FAAH: variants seen among roughly 807,000 people sequenced by gnomAD.
FAAH encodes fatty acid amide hydrolase.
In FAAH, 63 loss-of-function variants were observed where a neutral mutation model predicts 69.7. The observed-to-expected ratio is 0.90, with a 90% CI of 0.74 to 1.12. FAAH has a LOEUF of 1.12. Ranked by LOEUF, FAAH falls within the 50% of genes most tolerant of loss-of-function variation. The pLI, the probability that FAAH is intolerant of heterozygous loss-of-function variation, is 0.00. For synonymous variants in FAAH, 305 were observed against 324.2 expected (o/e 0.94, Z 0.64); for missense variants, 680 against 755.0 (o/e 0.90, Z 1.16).
rs753794404 is a variant in FAAH at position 46,405,329 on chromosome 1, G to A, written c.445-43G>A. ...TTGGAGTGGACCCTTGGCTGCCCACGGGCCCTGACTCACTCCCTTCTGGTG... is the reference window on the plus strand; with the variant it reads ...TTGGAGTGGACCCTTGGCTGCCCACAGGCCCTGACTCACTCCCTTCTGGTG... On this transcript the variant is annotated intron_variant, in intron 3 of 14. Transcript: ENST00000243167. This position sits in a 1 kb window ranked among gnomAD's most constrained non-coding sequence, Gnocchi z 4.1. The A allele has an allele frequency of 8.1e-6, 13 of 1,605,894 alleles. No homozygotes were observed. The East Asian group carries it at 1.1e-4, about 14-fold the overall frequency.
intron 1 of FAAH, among the ~76,000 whole-genome samples, chr1:46,398,590 G>A (rs1664641634): frequency 6.6e-6 from 1 of 150,824 alleles, no homozygotes; most frequent in Non-Finnish European, 1.5e-5. Context: ...CTGGAGTGTA[G>A]TGGCTCAATC....
intron 2 of FAAH, among the ~76,000 whole-genome samples, chr1:46,402,964 G>A (rs1664730293): frequency 6.6e-6 from 1 of 151,116 alleles, no homozygotes; most frequent in Admixed American, 6.6e-5. Flanking sequence ...AAGTGCTGGG[G>A]TTACAGCTGT....
rs142292311 is a variant in FAAH at position 46,402,664 on chromosome 1, C to A, written c.309+460C>A. On this transcript the variant is annotated intron_variant, in intron 2 of 14. Coordinates refer to ENST00000243167, the MANE Select transcript of FAAH (RefSeq NM_001441.3). The stretch of plus-strand genomic sequence containing the variant: ...AGTAGCTGGGATTACAGGCATGCAC[C>A]ACTACACCCGGCTAATGAAAAGAAA... 2.9e-3 allele frequency among the ~76,000 whole-genome samples: 436 copies of A among 150,752 alleles called. 1 individual carries two copies. Among genetic ancestry groups the A allele is most frequent in the African/African-American group, 0.01 (411 of 41,010 alleles).
chr1:46,407,648 G>A (rs1415888439), intron 7 of FAAH, among the ~76,000 whole-genome samples: 1 of 152,152 alleles, frequency 6.6e-6, no homozygotes, highest in Non-Finnish European at 1.5e-5. Flanking sequence ...GAAACAGCCA[G>A]GTTGAGGCTG....
At position 46,405,825 on chromosome 1, in the gene FAAH, C is replaced by T. The variant is rs776938827; in HGVS notation, c.785+31C>T. 1.2e-5 allele frequency: 19 copies of T among 1,611,626 alleles called. No homozygotes were observed. The highest frequency in any genetic ancestry group is 1.5e-5 in the Non-Finnish European group (18 of 1,179,288). On this transcript the variant is annotated intron_variant, in intron 5 of 14. Coordinates refer to ENST00000243167, the MANE Select transcript of FAAH (RefSeq NM_001441.3). The surrounding 1 kb of genome is among the most constrained non-coding windows in gnomAD (Gnocchi z 4.1). ...GTGGGTGGAGGGCGCTTCTGGGCCC[C>T]TCGCTGTGTGACCTTGGCCTAGCTT... is the stretch of plus-strand genomic sequence containing the variant.
At chr1:46,409,828 T>G (rs929859087) in intron 9 of FAAH, among the ~76,000 whole-genome samples, 12 of 152,146 alleles carry the variant, frequency 7.9e-5, no homozygotes. Flanking sequence ...AACTTGGCCC[T>G]GCAGCCTGGA....
At position 46,413,736 on chromosome 1, in the gene FAAH, T is replaced by G; in HGVS notation, c.*161T>G. ...GCAAGAAGCGCCGACTCCCTGAGTC[T>G]GGACCTCCATCCCTGCTCTGGTCCC... On this transcript the variant is annotated 3_prime_UTR_variant, in exon 15 of 15. Coordinates refer to ENST00000243167, the MANE Select transcript of FAAH (RefSeq NM_001441.3). The G allele has an allele frequency of 1.0e-6, 1 of 973,814 alleles. No individual in the cohort carries two copies. The highest frequency in any genetic ancestry group is 1.6e-6 in the Non-Finnish European group (1 of 642,860). 60.3% of individuals were successfully genotyped at this position (973,814 alleles called of 1,614,324 possible).
At chr1:46,394,607 G>T (rs1187828759) in intron 1 of FAAH, 64 bp downstream of exon 1, 2 of 1,246,058 alleles carry the variant, frequency 1.6e-6, no homozygotes, top group Non-Finnish European at 2.0e-6. Context: ...ACTTTCAGCC[G>T]CCGGACCCGC....
Position 46,405,411 on chromosome 1 carries a change from G to C in FAAH, c.484G>C (p.Val162Leu). The C allele has an allele frequency of 1.2e-6, 2 of 1,612,992 alleles. No individual in the cohort carries two copies. The highest frequency in any genetic ancestry group is 1.7e-6 in the Non-Finnish European group (2 of 1,180,018). Residue 162 changes from valine (V) to leucine (L), a missense_variant, in exon 4 of 15, where the codon GTG becomes CTG. Transcript: ENST00000243167. This position sits in a 1 kb window ranked among gnomAD's most constrained non-coding sequence, Gnocchi z 4.1. Reference sequence around the variant, plus strand: ...GCTGGGCTTGAGCCTGAATGAAGGGGTGCCGGCGGAGTGCGACAGCGTAGT... The same window carrying C: ...GCTGGGCTTGAGCCTGAATGAAGGGCTGCCGGCGGAGTGCGACAGCGTAGT... ...STLGLSLNEG[V>L]PAECDSVVVH...
rs1401455248 is a variant in FAAH at position 46,394,576 on chromosome 1, C to G, written c.195+33C>G. 2.3e-6 allele frequency: 3 copies of G among 1,301,392 alleles called. No homozygotes were observed. In the South Asian group the frequency reaches 7.0e-5, roughly 31 times the overall value. The allele number at this position is 1,301,392 out of a possible 1,614,324, so 80.6% of individuals were successfully genotyped here. On this transcript the variant is annotated intron_variant, in intron 1 of 14. Coordinates refer to ENST00000243167, the MANE Select transcript of FAAH (RefSeq NM_001441.3). ...CCGGAGCGTAGTGGGATGGGCGCGG[C>G]CTGAGGGTACTCGCAGCGGCACTTT...
Position 46,412,146 on chromosome 1 carries a change from T to C in FAAH, c.1360T>C (p.Tyr454His), listed in dbSNP as rs766439306. Residue 454 changes from tyrosine (Y) to histidine (H), a missense_variant, in exon 13 of 15, where the codon TAC becomes CAC. Physicochemically the swap from Tyr to His is moderately conservative, Grantham distance 83. Coordinates refer to ENST00000243167, the MANE Select transcript of FAAH (RefSeq NM_001441.3). ...TGGTGTGTTGTGTCCTCCGCAGGTG[T>C]ACCGCAAAACCGTGATTGCCCAGTG... ...LWELQHEIEV[Y>H]RKTVIAQWRA... 5.8e-6 allele frequency: 9 copies of C among 1,557,944 alleles called. No individual in the cohort carries two copies. The South Asian group carries it at 9.5e-5, about 16-fold the overall frequency.
intron 1 of FAAH, among the ~76,000 whole-genome samples, chr1:46,397,810 G>A (rs1263117481): frequency 6.6e-6 from 1 of 152,040 alleles, no homozygotes; most frequent in Non-Finnish European, 1.5e-5. Context: ...TGATCCGCCC[G>A]CCTCGGCCTC....
Position 46,394,528 on chromosome 1 carries a change from G to C in FAAH, c.180G>C (p.Gln60His). 7.3e-7 allele frequency: 1 copy of C among 1,370,430 alleles called. No homozygotes were observed. The highest frequency in any genetic ancestry group is 1.5e-5 in the African/African-American group (1 of 65,652). 84.9% of individuals were successfully genotyped at this position (1,370,430 alleles called of 1,614,324 possible). Residue 60 changes from glutamine (Q) to histidine (H), a missense_variant, in exon 1 of 15, where the codon CAG becomes CAC. By Grantham distance (24) the Gln-to-His change is conservative. Coordinates refer to ENST00000243167, the MANE Select transcript of FAAH (RefSeq NM_001441.3). ...AGLENMDRAAQRFRLQNPDLD... is the reference protein window; with the variant it reads ...AGLENMDRAAHRFRLQNPDLD... ...TGGAGAACATGGACAGGGCGGCGCA[G>C]CGCTTCCGGCTCCAGGTGACTGCCG...
At position 46,405,002 on chromosome 1, in the gene FAAH, C is replaced by G. The variant is rs199579963; in HGVS notation, c.310-12C>G. On this transcript the variant is annotated splice_polypyrimidine_tract_variant and intron_variant, in intron 2 of 14. Transcript: ENST00000243167. This position sits in a 1 kb window ranked among gnomAD's most constrained non-coding sequence, Gnocchi z 4.1. The stretch of plus-strand genomic sequence containing the variant: ...GCCTCCTTTTATCTTATGTCTACTT[C>G]CCCTTCCTCAGGCCTGGGAAGTGAA... 3.1e-6 allele frequency: 5 copies of G among 1,614,026 alleles called. No homozygotes were observed. The highest frequency in any genetic ancestry group is 4.2e-6 in the Non-Finnish European group (5 of 1,180,032).
chr1:46,394,629 G>A, intron 1 of FAAH, 86 bp downstream of exon 1: 1 of 1,144,510 alleles, frequency 8.7e-7, no homozygotes, highest in African/African-American at 1.6e-5. Flanking sequence ...GAGGGACAGG[G>A]GATGGGGCGG....
At chr1:46,403,541 ACTC>A (rs961130922) in intron 2 of FAAH, among the ~76,000 whole-genome samples, 1 of 151,442 alleles carries the variant, frequency 6.6e-6, no homozygotes, top group African/African-American at 2.4e-5. Flanking sequence ...CATCTCTTGT[ACTC>A]CTCCTCTGTG....
At chr1:46,400,477 A>G (rs1013912187) in intron 1 of FAAH, among the ~76,000 whole-genome samples, 1 of 151,524 alleles carries the variant, frequency 6.6e-6, no homozygotes, top group Non-Finnish European at 1.5e-5. Context: ...GGGGATGGAG[A>G]GGTGACCATT....
rs1366941315 is a variant in FAAH at position 46,402,214 on chromosome 1, G to C, written c.309+10G>C. 1.4e-5 allele frequency: 22 copies of C among 1,569,904 alleles called. No homozygotes were observed. The highest frequency in any genetic ancestry group is 2.8e-5 in the African/African-American group (2 of 71,474). ...CACCTATGTGGGAAAGGTAAGGCCAGCCAAGGCCAGCCCCTCCCTGGGAAA... is the reference window on the plus strand; with the variant it reads ...CACCTATGTGGGAAAGGTAAGGCCACCCAAGGCCAGCCCCTCCCTGGGAAA... On this transcript the variant is annotated intron_variant, in intron 2 of 14. Transcript: ENST00000243167.
rs534287589 is a variant in FAAH at position 46,394,319 on chromosome 1, C to G, written c.-30C>G. ...CTGCGCGTGCGGCGGCTTCAACTGT[C>G]GCGGTAGGCAGCAGCAGGCTGAAGG... On this transcript the variant is annotated 5_prime_UTR_variant, in exon 1 of 15. Transcript: ENST00000243167. 3.9e-6 allele frequency: 6 copies of G among 1,536,502 alleles called. No individual in the cohort carries two copies. In the South Asian group the frequency reaches 4.8e-5, roughly 12 times the overall value.
Sources: gnomAD v4.1 joint callset for allele counts (sites outside exome capture counted in the v4.1 genomes callset) on GRCh38, gnomAD v4.1.1 for gene constraint, Gnocchi (gnomAD v3.1) non-coding constraint, MANE v1.5 for transcripts, NCBI Gene and HGNC (gene_info 2026-07-23, HGNC 2026-07-21) for gene names.